Variants in SCHIP1 observed in about 807,000 individuals in gnomAD.
The protein encoded by SCHIP1 is schwannomin interacting protein 1.
In SCHIP1, 8 loss-of-function variants were observed where a neutral mutation model predicts 29.7. That is an observed-to-expected ratio of 0.27 (90% CI 0.16 to 0.49). SCHIP1 has a LOEUF of 0.49. Ranked by LOEUF, SCHIP1 falls within the 20% of genes least tolerant of loss-of-function variation. SCHIP1 has a pLI of 0.99. For synonymous variants in SCHIP1, 76 were observed against 94.9 expected, an observed-to-expected ratio of 0.80 and a Z score of 1.16; for missense variants, 193 against 294.6, an observed-to-expected ratio of 0.66 and a Z score of 2.52.
chr3:159,768,083 A>T, the SCHIP1 span, among the ~76,000 whole-genome samples: 1 of 152,200 alleles, frequency 6.6e-6, no homozygotes, highest in Non-Finnish European at 1.5e-5. Flanking sequence ...GATTTGCCTC[A>T]GACCCAGTGA....
chr3:159,699,833 G>T, the SCHIP1 span, among the ~76,000 whole-genome samples: 4 of 152,214 alleles, frequency 2.6e-5, no homozygotes, highest in Admixed American at 2.0e-4. Flanking sequence ...GTGGCAAGCA[G>T]TTTGTGCTAG....
chr3:159,451,526 G>A, the SCHIP1 span, among the ~76,000 whole-genome samples: 2 of 152,194 alleles, frequency 1.3e-5, no homozygotes, highest in African/African-American at 2.4e-5. Flanking sequence ...GATCTTTGGT[G>A]TAAATTAGAT....
At chr3:159,275,242 G>A in the SCHIP1 span, 1 of 302,948 alleles carries the variant, frequency 3.3e-6, no homozygotes. Context: ...GTTTTTTTAA[G>A]TTTCATTTCC....
At chr3:159,674,536 G>A in the SCHIP1 span, among the ~76,000 whole-genome samples, 17 of 148,794 alleles carry the variant, frequency 1.1e-4, no homozygotes, top group African/African-American at 4.0e-4. Flanking sequence ...GCGGTCTTTG[G>A]AGGAAACCTG....
chr3:159,292,104 A>T, the SCHIP1 span, among the ~76,000 whole-genome samples: 45 of 152,232 alleles, frequency 3.0e-4, no homozygotes, highest in Admixed American at 1.2e-3. Flanking sequence ...GAAAACTTCC[A>T]TGTTATTTTA....
the SCHIP1 span, among the ~76,000 whole-genome samples, chr3:159,506,753 G>A: frequency 3.3e-5 from 5 of 152,224 alleles, no homozygotes; most frequent in African/African-American, 1.2e-4. Context: ...TTTTTCTCAG[G>A]TTTGTCAAAG....
the SCHIP1 span, among the ~76,000 whole-genome samples, chr3:159,506,336 G>A: frequency 2.0e-5 from 3 of 152,290 alleles, no homozygotes; most frequent in South Asian, 6.2e-4. Flanking sequence ...TTGTAAATTT[G>A]TTTGAGTTCT....
the SCHIP1 span, among the ~76,000 whole-genome samples, chr3:159,805,059 C>G: frequency 6.6e-6 from 1 of 152,146 alleles, no homozygotes; most frequent in African/African-American, 2.4e-5. Context: ...GGTGTTTATC[C>G]TTGAACCCGT....
chr3:159,872,279 TA>T (rs1276815185), intron 2 of SCHIP1, among the ~76,000 whole-genome samples: 1 of 152,170 alleles, frequency 6.6e-6, no homozygotes, highest in East Asian at 1.9e-4. Flanking sequence ...ATATGTTGAT[TA>T]AAACCCTGTG....
At chr3:159,465,245 A>G in the SCHIP1 span, among the ~76,000 whole-genome samples, 2 of 151,968 alleles carry the variant, frequency 1.3e-5, no homozygotes, top group African/African-American at 2.4e-5. Flanking sequence ...GAAGTATCCA[A>G]TAGGGAAAAT....
the SCHIP1 span, among the ~76,000 whole-genome samples, chr3:159,357,810 T>C: frequency 1.3e-5 from 2 of 152,340 alleles, no homozygotes; most frequent in East Asian, 1.9e-4. Flanking sequence ...AGAACATGGA[T>C]AAATATAACA....
At chr3:159,778,158 T>C in the SCHIP1 span, among the ~76,000 whole-genome samples, 1 of 152,252 alleles carries the variant, frequency 6.6e-6, no homozygotes, top group South Asian at 2.1e-4. Flanking sequence ...CACGCCCAGC[T>C]AATTTTTTGT....
the SCHIP1 span, among the ~76,000 whole-genome samples, chr3:159,435,660 A>G: frequency 6.6e-6 from 1 of 152,174 alleles, no homozygotes; most frequent in Non-Finnish European, 1.5e-5. Context: ...TTATGCATGT[A>G]AATGTAGTTC....
the SCHIP1 span, among the ~76,000 whole-genome samples, chr3:159,350,955 G>A: frequency 5.9e-5 from 9 of 152,012 alleles, no homozygotes; most frequent in Admixed American, 2.0e-4. Flanking sequence ...TCTGTAAACT[G>A]TGCTACTCTC....
chr3:159,677,160 T>C, the SCHIP1 span, among the ~76,000 whole-genome samples: 1 of 152,234 alleles, frequency 6.6e-6, no homozygotes, highest in Non-Finnish European at 1.5e-5. Flanking sequence ...TAGGCAATGA[T>C]CCAGGTACCC....
At chr3:159,404,645 G>C in the SCHIP1 span, among the ~76,000 whole-genome samples, 1 of 152,178 alleles carries the variant, frequency 6.6e-6, no homozygotes. Flanking sequence ...AGAATCCTAA[G>C]GTTTCTGACT....
At chr3:159,427,474 G>A in the SCHIP1 span, among the ~76,000 whole-genome samples, 6 of 151,878 alleles carry the variant, frequency 4.0e-5, no homozygotes, top group Non-Finnish European at 5.9e-5. Flanking sequence ...AAATACCTAG[G>A]AATCCAACTT....
chr3:159,420,260 C>T, the SCHIP1 span, among the ~76,000 whole-genome samples: 2 of 151,926 alleles, frequency 1.3e-5, no homozygotes, highest in Admixed American at 6.6e-5. Flanking sequence ...GAGACAGCCT[C>T]GCAAAAGAGA....
At chr3:159,608,908 T>TCAGC in the SCHIP1 span, among the ~76,000 whole-genome samples, 1 of 152,212 alleles carries the variant, frequency 6.6e-6, no homozygotes, top group Non-Finnish European at 1.5e-5. Flanking sequence ...TTACAAGTAG[T>TCAGC]CAGCCATCAC....
Sources: allele counts gnomAD v4.1 joint callset (sites outside exome capture counted in the v4.1 genomes callset), GRCh38; gene constraint gnomAD v4.1.1; transcripts MANE v1.5; gene names NCBI Gene and HGNC (gene_info 2026-07-23, HGNC 2026-07-21).